ROBO2: variants seen among roughly 807,000 people sequenced by gnomAD.
ROBO2 encodes the protein roundabout homolog 2.
Under a neutral mutation model 160.8 loss-of-function variants are expected in ROBO2, and 53 were observed. That is an observed-to-expected ratio of 0.33 (90% confidence interval 0.26 to 0.41). The LOEUF (loss-of-function observed/expected upper bound fraction) is 0.41, where lower values mean the gene tolerates loss of function less well. Among genes scored for constraint, ROBO2 ranks in the 10% least tolerant of loss-of-function variants. The probability of loss-of-function intolerance (pLI) is 1.00; values close to 1 mark genes in which losing one functional copy is unlikely to be tolerated. For missense variants in ROBO2, 1,577 were observed against 1,722.4 expected (o/e 0.92, Z 1.49); for synonymous variants, 664 against 611.7 (o/e 1.09, Z -1.26).
intron 2 of ROBO2, among the ~76,000 whole-genome samples, chr3:77,147,761 C>G (rs2077229480): frequency 1.3e-5 from 2 of 152,154 alleles, no homozygotes; most frequent in Admixed American, 1.3e-4. Context: ...AAAAGTTACA[C>G]AGGCAGATAG....
chr3:76,167,729 T>G (rs1419870287), intron 2 of ROBO2, among the ~76,000 whole-genome samples: 2 of 152,236 alleles, frequency 1.3e-5, no homozygotes, highest in Non-Finnish European at 2.9e-5. Context: ...ATTAAATTTC[T>G]GAACAAGTTG....
chr3:77,282,506 A>G (rs569406048), intron 2 of ROBO2, among the ~76,000 whole-genome samples: 1 of 152,108 alleles, frequency 6.6e-6, no homozygotes, highest in South Asian at 2.1e-4. Context: ...ATATAAATAT[A>G]AAATAGATCT....
chr3:77,336,366 T>C (rs1359579220), intron 2 of ROBO2, among the ~76,000 whole-genome samples: 3 of 152,152 alleles, frequency 2.0e-5, no homozygotes, highest in African/African-American at 4.8e-5. Flanking sequence ...AAGAGGGGCC[T>C]GTTTGTCTAC....
At chr3:76,865,453 G>A (rs1304972205) in intron 2 of ROBO2, among the ~76,000 whole-genome samples, 3 of 152,060 alleles carry the variant, frequency 2.0e-5, no homozygotes, top group Non-Finnish European at 4.4e-5. Flanking sequence ...GCAGTTTGTG[G>A]ACTAGCAATT....
At chr3:76,630,214 G>A (rs60493168) in intron 2 of ROBO2, among the ~76,000 whole-genome samples, 387 of 152,168 alleles carry the variant, frequency 2.5e-3, no homozygotes, top group Admixed American at 5.3e-3. Context: ...TCACAAAGAT[G>A]TGCATGTTAG....
chr3:76,445,734 C>T (rs1333922728), intron 2 of ROBO2, among the ~76,000 whole-genome samples: 1 of 152,236 alleles, frequency 6.6e-6, no homozygotes, highest in Non-Finnish European at 1.5e-5. Flanking sequence ...GCTGGTTCAA[C>T]ATACGAAAAT....
intron 16 of ROBO2, among the ~76,000 whole-genome samples, chr3:77,587,147 G>T (rs531409245): frequency 2.0e-5 from 3 of 152,208 alleles, no homozygotes; most frequent in African/African-American, 7.2e-5. Flanking sequence ...AGGGGTTTTG[G>T]ATCTTTCAAA....
At chr3:76,246,124 AG>A (rs957238726) in intron 2 of ROBO2, among the ~76,000 whole-genome samples, 1 of 152,014 alleles carries the variant, frequency 6.6e-6, no homozygotes, top group Non-Finnish European at 1.5e-5. Flanking sequence ...TTAGTGAAGA[AG>A]TTTTTTTTTT....
rs538423369 is a variant in ROBO2 at position 76,232,427 on chromosome 3, A to G, written c.109+294825A>G. Among the ~76,000 whole-genome samples, 10 of 152,340 alleles carry G rather than the reference A, an allele frequency of 6.6e-5. No individual in the cohort carries two copies. In the South Asian group the frequency reaches 2.1e-3, roughly 32 times the overall value. On this transcript the variant is annotated intron_variant, in intron 2 of 26. Coordinates refer to the ROBO2 transcript ENST00000487694. ...ACTATTGCTGCAACAGCAACAACGT[A>G]TTTGAACCTGTAATCATTTCTATAA...
At chr3:76,306,854 T>C (rs971450132) in intron 2 of ROBO2, among the ~76,000 whole-genome samples, 2 of 152,232 alleles carry the variant, frequency 1.3e-5, no homozygotes, top group Admixed American at 1.3e-4. Flanking sequence ...CTGTTTTCAG[T>C]TCAGTTTCCA....
chr3:75,931,735 C>G (rs1385647669), intron 1 of ROBO2, among the ~76,000 whole-genome samples: 2 of 152,008 alleles, frequency 1.3e-5, no homozygotes, highest in African/African-American at 4.8e-5. Flanking sequence ...GATGTTCCCC[C>G]CAACACCCTT....
chr3:76,576,692 A>G (rs1375031534), intron 2 of ROBO2, among the ~76,000 whole-genome samples: 12 of 70,472 alleles, frequency 1.7e-4, no homozygotes, highest in Non-Finnish European at 3.3e-4. Flanking sequence ...AGTTTAAATC[A>G]TTTTCTTTCT....
intron 19 of ROBO2, 41 bp from the exon 21 acceptor site, chr3:77,602,169 G>A: frequency 6.2e-7 from 1 of 1,609,778 alleles, no homozygotes; most frequent in South Asian, 1.1e-5. Context: ...TGGGCTTCCG[G>A]TGCCTCATTA....
chr3:77,162,721 T>A lies in ROBO2; in HGVS notation c.388+64381T>A, dbSNP rs1274102599. Among the ~76,000 whole-genome samples, 3 of 152,246 alleles carry A rather than the reference T, an allele frequency of 2.0e-5. No homozygotes were observed. The East Asian group carries it at 5.8e-4, about 29-fold the overall frequency. On this transcript the variant is annotated intron_variant, in intron 2 of 25. Transcript: ENST00000461745. ...TATTTATTCTTTCCTCTAATAAGGC[T>A]ACACATGGGTTTAAAGCATTGAGGC...
chr3:77,295,638 A>T (rs1167221549), intron 2 of ROBO2, among the ~76,000 whole-genome samples: 3 of 94,918 alleles, frequency 3.2e-5, no homozygotes, highest in African/African-American at 1.0e-4. Context: ...TTAAACGGGT[A>T]AGCTGAGGCT....
intron 2 of ROBO2, among the ~76,000 whole-genome samples, chr3:76,371,106 G>A (rs1471028540): frequency 6.6e-6 from 1 of 151,948 alleles, no homozygotes; most frequent in Non-Finnish European, 1.5e-5. Flanking sequence ...AAGTATGTGA[G>A]TGTGTGTGTT....
chr3:77,265,402 A>C (rs983156427), intron 2 of ROBO2, among the ~76,000 whole-genome samples: 1 of 152,136 alleles, frequency 6.6e-6, no homozygotes, highest in Non-Finnish European at 1.5e-5. Context: ...TTTAAAACTC[A>C]ATGCCTTTTA....
At chr3:76,810,284 G>A (rs1245309838) in intron 2 of ROBO2, among the ~76,000 whole-genome samples, 1 of 152,012 alleles carries the variant, frequency 6.6e-6, no homozygotes. Context: ...CACGGAGGAA[G>A]GTCACACAAT....
At chr3:77,038,256 G>A (rs2063752875), upstream of ROBO2, among the ~76,000 whole-genome samples, 1 of 152,094 alleles carries the variant, frequency 6.6e-6, no homozygotes, top group Admixed American at 6.5e-5. Context: ...TTTAACAACC[G>A]AATGCACTTT....
Sources: gnomAD v4.1 joint callset for allele counts (sites outside exome capture counted in the v4.1 genomes callset) on GRCh38, gnomAD v4.1.1 for gene constraint, MANE v1.5 for transcripts, NCBI Gene and HGNC (gene_info 2026-07-23, HGNC 2026-07-21) for gene names.